Variants in ODAD2 observed in about 807,000 individuals in gnomAD.
The protein encoded by ODAD2 is outer dynein arm-docking complex subunit 2.
In ODAD2, 89 loss-of-function variants were observed where a neutral mutation model predicts 106.8. The ratio of observed to expected loss-of-function variants is 0.83; its 90% CI spans 0.70 to 0.99. ODAD2 has a LOEUF of 0.99. Among genes scored for constraint, ODAD2 ranks in the 50% least tolerant of loss-of-function variants. ODAD2 has a pLI of 0.00. For missense variants in ODAD2, 1,168 were observed against 1,238.5 expected, an observed-to-expected ratio of 0.94 and a Z score of 0.85; for synonymous variants, 404 against 436.2, an observed-to-expected ratio of 0.93 and a Z score of 0.92.
At chr10:27,915,168 T>C (rs969132663) in intron 16 of ODAD2, among the ~76,000 whole-genome samples, 1 of 152,044 alleles carries the variant, frequency 6.6e-6, no homozygotes, top group African/African-American at 2.4e-5. Flanking sequence ...CATAATCAAA[T>C]GGCTGAAACC....
At chr10:27,914,403 T>C (rs1342179933) in intron 16 of ODAD2, among the ~76,000 whole-genome samples, 4 of 152,158 alleles carry the variant, frequency 2.6e-5, no homozygotes. Context: ...TTCCCTATTT[T>C]AAGTTTTAGC....
chr10:27,948,806 A>C (rs1188638670), intron 10 of ODAD2, among the ~76,000 whole-genome samples: 2 of 27,812 alleles, frequency 7.2e-5, no homozygotes, highest in Non-Finnish European at 1.7e-4. Context: ...TTTTTTTTGC[A>C]ATTGACATTT....
At chr10:27,890,484 C>T (rs765142074) in intron 17 of ODAD2, among the ~76,000 whole-genome samples, 24 of 152,162 alleles carry the variant, frequency 1.6e-4, no homozygotes, top group East Asian at 3.9e-4. Flanking sequence ...TTCTATATAT[C>T]CCTGTTTAGA....
chr10:27,958,428 C>T (rs10826377), intron 10 of ODAD2, among the ~76,000 whole-genome samples: 6,042 of 152,156 alleles, frequency 0.04, 150 homozygotes, highest in Middle Eastern at 0.059. Flanking sequence ...TCTCTCACTC[C>T]GTGCCTGCCC....
In ODAD2 at chr10:27,812,407, G is replaced by A. The variant is rs1835809308; in HGVS notation, c.*105C>T. 2 of 1,021,952 alleles carry A rather than the reference G, an allele frequency of 2.0e-6. No individual in the cohort carries two copies. The highest frequency in any genetic ancestry group is 1.4e-6 in the Non-Finnish European group (1 of 699,600). 63.3% of individuals were successfully genotyped at this position (1,021,952 alleles called of 1,614,324 possible). ...TTTGTGTGTTTTCATTTAGATGGTT[G>A]AAAGGGTTTGCTAACAACTGTTTCC... On this transcript the variant is annotated 3_prime_UTR_variant, in exon 20 of 20. Transcript: ENST00000305242.
intron 17 of ODAD2, among the ~76,000 whole-genome samples, chr10:27,878,102 T>C (rs1206335994): frequency 2.0e-5 from 3 of 152,166 alleles, no homozygotes; most frequent in African/African-American, 7.2e-5. Flanking sequence ...AGGAGATTAG[T>C]AATTTTAAAA....
intron 10 of ODAD2, among the ~76,000 whole-genome samples, chr10:27,945,981 T>C (rs1432921431): frequency 6.6e-6 from 1 of 151,142 alleles, no homozygotes; most frequent in Non-Finnish European, 1.5e-5. Flanking sequence ...TTTCCATTTA[T>C]TAAGCATTAT....
intron 2 of ODAD2, 124 bp downstream of exon 2, chr10:27,994,795 T>A: frequency 9.9e-7 from 1 of 1,009,626 alleles, no homozygotes. Flanking sequence ...CTGGTTTTCA[T>A]TCCCTGGTTT....
chr10:27,940,484 C>A (rs904546948), intron 13 of ODAD2, 79 bp downstream of exon 13: 4 of 1,543,526 alleles, frequency 2.6e-6, no homozygotes, highest in African/African-American at 2.7e-5. Context: ...CTTGAGCCAT[C>A]ATGATAACCT....
rs1849701481 is a variant in ODAD2 at position 27,983,747 on chromosome 10, T to G, written c.819+96A>C. 3.3e-6 allele frequency: 4 copies of G among 1,199,360 alleles called. No individual in the cohort carries two copies. In the Admixed American group the frequency reaches 9.7e-5, roughly 29 times the overall value. The allele number at this position is 1,199,360 out of a possible 1,614,324, so 74.3% of individuals were successfully genotyped here. ...CTGCTTCTATCCCACAGAATGGTAATTCATTCTCTGTGGTCATTGGGACAC... is the reference window on the plus strand; with the variant it reads ...CTGCTTCTATCCCACAGAATGGTAAGTCATTCTCTGTGGTCATTGGGACAC... On this transcript the variant is annotated intron_variant, in intron 6 of 19. Coordinates refer to ENST00000305242, the MANE Select transcript of ODAD2 (RefSeq NM_018076.5).
At chr10:27,894,000 C>CCAGGCATGGTGGCT (rs1320617606) in intron 17 of ODAD2, among the ~76,000 whole-genome samples, 1 of 152,078 alleles carries the variant, frequency 6.6e-6, no homozygotes, top group Non-Finnish European at 1.5e-5. Flanking sequence ...AAAAAGTTAG[C>CCAGGCATGGTGGCT]CAGGCATGGT....
chr10:27,831,133 C>A (rs1837445572), intron 19 of ODAD2, among the ~76,000 whole-genome samples: 1 of 152,200 alleles, frequency 6.6e-6, no homozygotes, highest in Non-Finnish European at 1.5e-5. Flanking sequence ...AGAAGTCCAT[C>A]TGCCTTGTGC....
chr10:27,969,443 T>G (rs1437767761), intron 8 of ODAD2, among the ~76,000 whole-genome samples: 4 of 152,300 alleles, frequency 2.6e-5, no homozygotes, highest in African/African-American at 9.6e-5. Context: ...CTTGAATACC[T>G]GCTAAGGAAT....
At chr10:27,814,280 T>C (rs1287398182) in intron 19 of ODAD2, among the ~76,000 whole-genome samples, 1 of 152,180 alleles carries the variant, frequency 6.6e-6, no homozygotes, top group Non-Finnish European at 1.5e-5. Flanking sequence ...GCAAACAGCA[T>C]GAACTTCTGT....
chr10:27,904,495 T>C (rs1456882028), intron 17 of ODAD2: 1 of 152,576 alleles, frequency 6.6e-6, no homozygotes, highest in Admixed American at 6.5e-5. Context: ...AAAATATAAA[T>C]AAATAAATAT....
Position 27,970,969 on chromosome 10 carries a change from CTTAA to C in ODAD2, c.1142+135_1142+138del, listed in dbSNP as rs1351246235. 3.4e-4 allele frequency: 110 copies of C among 324,208 alleles called. 1 individual carries two copies. Among genetic ancestry groups the C allele is most frequent in the Middle Eastern group, 2.4e-3 (2 of 824 alleles). 20.1% of individuals were successfully genotyped at this position (324,208 alleles called of 1,614,324 possible). On this transcript the variant is annotated intron_variant, in intron 8 of 19. Transcript: ENST00000305242. ...CCTGGGCAACAGAGCAAGACTCCAT[CTTAA>C]ATAAATAAATAAATAAATAAATAAA...
Position 27,961,729 on chromosome 10 carries a change from C to A in ODAD2, c.1239-14G>T. On this transcript the variant is annotated splice_polypyrimidine_tract_variant and intron_variant, in intron 9 of 19. Coordinates refer to ENST00000305242, the MANE Select transcript of ODAD2 (RefSeq NM_018076.5). ...TCAGCACTCTTCCTAAGAACAATAA[C>A]AACACACATACACATGTAAGCTATA... 1 of 1,599,972 alleles carries A rather than the reference C, an allele frequency of 6.3e-7. No individual in the cohort carries two copies.
At chr10:27,963,897 G>T (rs556800427) in intron 9 of ODAD2, among the ~76,000 whole-genome samples, 1 of 152,268 alleles carries the variant, frequency 6.6e-6, no homozygotes, top group South Asian at 2.1e-4. Context: ...CTATGAGGTT[G>T]TCATTACTCT....
intron 7 of ODAD2, among the ~76,000 whole-genome samples, chr10:27,979,504 T>A (rs143213104): frequency 4.8e-4 from 73 of 151,510 alleles, no homozygotes; most frequent in Non-Finnish European, 8.3e-4. Flanking sequence ...GTTGCGAAAT[T>A]CAATCTTGAT....
Sources: allele counts gnomAD v4.1 joint callset (sites outside exome capture counted in the v4.1 genomes callset), GRCh38; gene constraint gnomAD v4.1.1; transcripts MANE v1.5; gene names NCBI Gene and HGNC (gene_info 2026-07-23, HGNC 2026-07-21).